VPS13B: variants seen among roughly 807,000 people sequenced by gnomAD.
The protein encoded by VPS13B is intermembrane lipid transfer protein VPS13B.
In VPS13B, 285 loss-of-function variants were observed where a neutral mutation model predicts 426.4. The ratio of observed to expected loss-of-function variants is 0.67; its 90% CI spans 0.61 to 0.74. The LOEUF (loss-of-function observed/expected upper bound fraction) is 0.74, where lower values mean the gene tolerates loss of function less well. Among genes scored for constraint, VPS13B ranks in the 30% least tolerant of loss-of-function variants. The pLI is 0.00. For missense variants in VPS13B, 4,537 were observed against 4,782.6 expected, an observed-to-expected ratio of 0.95 and a Z score of 1.51; for synonymous variants, 1,676 against 1,676.4, an observed-to-expected ratio of 1.00 and a Z score of 0.01.
chr8:99,095,664 TTA>T (rs377217372), intron 3 of VPS13B, among the ~76,000 whole-genome samples: 1 of 152,314 alleles, frequency 6.6e-6, no homozygotes, highest in African/African-American at 2.4e-5. Flanking sequence ...TGTAAGAGTA[TTA>T]TATACATGTT....
At chr8:99,534,554 C>A (rs1251362103) in intron 30 of VPS13B, among the ~76,000 whole-genome samples, 1 of 151,976 alleles carries the variant, frequency 6.6e-6, no homozygotes, top group African/African-American at 2.4e-5. Context: ...TTACTATAAC[C>A]ATTCCTGCTG....
Position 99,587,711 on chromosome 8 carries a change from T to C in VPS13B, c.5220+10078T>C, listed in dbSNP as rs1247107767. On this transcript the variant is annotated intron_variant, in intron 33 of 61. Coordinates refer to ENST00000357162, the MANE Select transcript of VPS13B (RefSeq NM_152564.5). Reference sequence around the variant, plus strand: ...AATTTGTTTAAGTTCTTTGTAGATTTTGGATATTAGCCCTTTGTCAGATGG... The same window carrying C: ...AATTTGTTTAAGTTCTTTGTAGATTCTGGATATTAGCCCTTTGTCAGATGG... 4.6e-5 allele frequency among the ~76,000 whole-genome samples: 7 copies of C among 151,708 alleles called. No individual in the cohort carries two copies. The South Asian group carries it at 8.3e-4, about 18-fold the overall frequency.
At chr8:99,130,044 C>G (rs1432913195) in intron 8 of VPS13B, among the ~76,000 whole-genome samples, 1 of 152,136 alleles carries the variant, frequency 6.6e-6, no homozygotes, top group African/African-American at 2.4e-5. Flanking sequence ...CAAACAACAA[C>G]AAAACAAAAT....
intron 30 of VPS13B, among the ~76,000 whole-genome samples, chr8:99,543,218 T>C (rs181234973): frequency 0.061 from 9,300 of 152,244 alleles, 369 homozygotes; most frequent in African/African-American, 0.11. Context: ...GGGAAAGGAT[T>C]CCCTATTTAA....
At chr8:99,497,651 G>A (rs997740473) in intron 25 of VPS13B, among the ~76,000 whole-genome samples, 3 of 151,924 alleles carry the variant, frequency 2.0e-5, no homozygotes, top group Admixed American at 6.6e-5. Context: ...GAGATTGTTT[G>A]GCATCAACTT....
chr8:99,021,894 T>G (rs1009851030), intron 2 of VPS13B, among the ~76,000 whole-genome samples: 7 of 152,200 alleles, frequency 4.6e-5, no homozygotes, highest in African/African-American at 1.7e-4. Flanking sequence ...ATTACAGGCG[T>G]GAGCCCCTTA....
In VPS13B at chr8:99,192,994, C is replaced by A; in HGVS notation, c.2452C>A (p.Leu818Ile). ...AGCAATATATCAAAGTTGGTCTCAT[C>A]TTGGAAATGTCAGCTCTTCCGCAGT... is the stretch of plus-strand genomic sequence containing the variant. ...LQAIYQSWSHLGNVSSSAVIE... is the reference protein window; with the variant it reads ...LQAIYQSWSHIGNVSSSAVIE... Residue 818 changes from leucine to isoleucine, a missense_variant, in exon 17 of 62, where the codon CTT becomes ATT. Physicochemically the swap from Leu to Ile is conservative, Grantham distance 5. This residue lies in a region of VPS13B where 4,311 missense variants were observed against 4,474.3 expected (regional missense o/e 0.96). Transcript: ENST00000357162. 3 of 1,613,722 alleles carry A rather than the reference C, an allele frequency of 1.9e-6. No individual in the cohort carries two copies. The highest frequency in any genetic ancestry group is 1.3e-5 in the African/African-American group (1 of 75,014).
chr8:99,852,386 A>G (rs1816338694), intron 55 of VPS13B, among the ~76,000 whole-genome samples: 1 of 152,210 alleles, frequency 6.6e-6, no homozygotes, highest in Non-Finnish European at 1.5e-5. Flanking sequence ...GAGATCCCCA[A>G]GGAAGTCAGT....
intron 21 of VPS13B, among the ~76,000 whole-genome samples, chr8:99,402,979 GA>G (rs1210863181): frequency 6.6e-6 from 1 of 152,218 alleles, no homozygotes; most frequent in African/African-American, 2.4e-5. Context: ...AATTAAATTA[GA>G]AAGGACTCTT....
At chr8:99,540,016 TATA>T (rs1823480431) in intron 30 of VPS13B, among the ~76,000 whole-genome samples, 11 of 1,114 alleles carry the variant, frequency 9.9e-3, no homozygotes, top group East Asian at 0.036. Flanking sequence ...AAATAAATTA[TATA>T]TATATATATA....
At chr8:99,601,459 T>TA (rs1364593399) in intron 33 of VPS13B, among the ~76,000 whole-genome samples, 1 of 152,206 alleles carries the variant, frequency 6.6e-6, no homozygotes. Context: ...GCAATAAACA[T>TA]ACGTGTGCAT....
intron 30 of VPS13B, among the ~76,000 whole-genome samples, chr8:99,530,179 A>G (rs927383248): frequency 1.3e-5 from 2 of 152,164 alleles, no homozygotes; most frequent in Non-Finnish European, 2.9e-5. Context: ...AATCGCATCT[A>G]TTTTTTAATA....
Position 99,502,856 on chromosome 8 carries a change from C to T in VPS13B, c.4063C>T (p.Leu1355=). The T allele has an allele frequency of 6.2e-7, 1 of 1,613,158 alleles. No homozygotes were observed. Among genetic ancestry groups the T allele is most frequent in the Non-Finnish European group, 8.5e-7 (1 of 1,179,378 alleles). ...TGCAGAGGTTTGTATGGTCAGTGAA[C>T]TAGAAGATCTCAGTGCTTCCATAGA... ...KGTEVCMVSE[L]EDLSASIDVQ... is the part of the protein sequence containing the mutation. Residue 1355 remains leucine (L), a synonymous_variant, in exon 27 of 62, where the codon CTA becomes TTA. Coordinates refer to ENST00000357162, the MANE Select transcript of VPS13B (RefSeq NM_152564.5).
At chr8:99,763,221 C>T (rs942664713) in intron 39 of VPS13B, among the ~76,000 whole-genome samples, 2 of 150,816 alleles carry the variant, frequency 1.3e-5, no homozygotes, top group Admixed American at 6.6e-5. Flanking sequence ...ATTTGAATCC[C>T]GATAGATCTG....
chr8:99,164,117 C>T (rs1023680585), intron 15 of VPS13B, among the ~76,000 whole-genome samples: 1 of 152,108 alleles, frequency 6.6e-6, no homozygotes, highest in Non-Finnish European at 1.5e-5. Flanking sequence ...GCCAGTGGGT[C>T]GGTCCAGGGG....
At chr8:99,048,642 C>A (rs1032119504) in intron 3 of VPS13B, among the ~76,000 whole-genome samples, 2 of 151,936 alleles carry the variant, frequency 1.3e-5, no homozygotes, top group African/African-American at 4.8e-5. Context: ...TGGTGAAACC[C>A]CTTCTCTGCT....
intron 31 of VPS13B, among the ~76,000 whole-genome samples, chr8:99,562,626 T>G (rs377134540): frequency 1.3e-5 from 2 of 152,140 alleles, no homozygotes; most frequent in African/African-American, 4.8e-5. Flanking sequence ...TGTTGATGAG[T>G]TGTAAGAGTT....
chr8:99,163,868 G>A (rs949632036), intron 15 of VPS13B, among the ~76,000 whole-genome samples: 1 of 152,226 alleles, frequency 6.6e-6, no homozygotes, highest in African/African-American at 2.4e-5. Flanking sequence ...GGGGCTGAAG[G>A]GCTCCTCAAA....
intron 19 of VPS13B, chr8:99,341,840 A>G (rs1483371120): frequency 4.9e-6 from 1 of 205,212 alleles, no homozygotes; most frequent in African/African-American, 2.4e-5. Context: ...TTAACGCAAA[A>G]TAGAGACCAT....
Sources: gnomAD v4.1 joint callset for allele counts (sites outside exome capture counted in the v4.1 genomes callset) on GRCh38, gnomAD v4.1.1 for gene constraint, gnomAD v4.1.1 regional missense constraint, MANE v1.5 for transcripts, NCBI Gene and HGNC (gene_info 2026-07-23, HGNC 2026-07-21) for gene names.